The following SYNE2 variants were observed in gnomAD, a reference collection of about 807,000 sequenced individuals.
SYNE2 encodes the protein nesprin-2.
SYNE2 carries 431 observed loss-of-function variants against 856.3 expected under a neutral mutation model. The observed-to-expected ratio is 0.50, with a 90% CI of 0.47 to 0.55. SYNE2 has a LOEUF of 0.55. Among genes scored for constraint, SYNE2 ranks in the 20% least tolerant of loss-of-function variants. The probability of loss-of-function intolerance (pLI) is 0.00; values close to 1 mark genes in which losing one functional copy is unlikely to be tolerated. For synonymous variants in SYNE2, 2,923 were observed against 2,872.3 expected (o/e 1.02, Z -0.56); for missense variants, 8,129 against 8,023.2 (o/e 1.01, Z -0.50).
intron 73 of SYNE2, among the ~76,000 whole-genome samples, chr14:64,127,086 C>T (rs367731075): frequency 5.3e-5 from 8 of 152,080 alleles, no homozygotes; most frequent in Non-Finnish European, 8.8e-5. Context: ...CATGGTGAAA[C>T]CCCATCTCTA....
chr14:63,991,878 C>T (rs1019896004), intron 21 of SYNE2, among the ~76,000 whole-genome samples: 4 of 152,130 alleles, frequency 2.6e-5, no homozygotes, highest in African/African-American at 7.2e-5. Context: ...CCCATTCCTG[C>T]GCCTACTCTT....
intron 109 of SYNE2, 69 bp from the exon 110 acceptor site, chr14:64,219,139 C>A: frequency 2.6e-6 from 3 of 1,170,782 alleles, no homozygotes; most frequent in Non-Finnish European, 3.7e-6. Context: ...ACCCTGACCC[C>A]TAATTAGCTG....
chr14:63,811,075 T>C (rs1328224745), intron 1 of SYNE2, among the ~76,000 whole-genome samples: 1 of 152,164 alleles, frequency 6.6e-6, no homozygotes, highest in African/African-American at 2.4e-5. Flanking sequence ...GACCTCGTGA[T>C]CCGCCCACCT....
intron 85 of SYNE2, 95 bp from the exon 86 acceptor site, chr14:64,158,530 A>G: frequency 7.2e-7 from 1 of 1,391,562 alleles, no homozygotes; most frequent in Admixed American, 1.8e-5. Flanking sequence ...ATACTCTCAA[A>G]TTGAAATGCC....
At chr14:63,813,235 T>C (rs977917784) in intron 1 of SYNE2, among the ~76,000 whole-genome samples, 1 of 152,204 alleles carries the variant, frequency 6.6e-6, no homozygotes, top group African/African-American at 2.4e-5. Flanking sequence ...CTAAACTTAT[T>C]TTGGAAAGAA....
rs756480117 is a variant in SYNE2 at position 63,981,026 on chromosome 14, G to A, written c.1689G>A (p.Val563=). 4.4e-6 allele frequency: 7 copies of A among 1,573,380 alleles called. No homozygotes were observed. In the East Asian group the frequency reaches 1.3e-4, roughly 30 times the overall value. ...CQNINKQYMM[V]KSDVCMYRKN... ...ATATTAATAAACAGTATATGATGGTGAAATCTGATGTTTGTATGTATAGAA... is the reference window on the plus strand; with the variant it reads ...ATATTAATAAACAGTATATGATGGTAAAATCTGATGTTTGTATGTATAGAA... Residue 563 remains valine, a synonymous_variant, in exon 16 of 116, where the codon GTG becomes GTA. Coordinates refer to ENST00000555002, the MANE Select transcript of SYNE2 (RefSeq NM_182914.3).
At chr14:63,964,152 T>TGTG in intron 10 of SYNE2, 152 bp downstream of exon 10, 1 of 606,874 alleles carries the variant, frequency 1.6e-6, no homozygotes, top group Non-Finnish European at 2.9e-6. Flanking sequence ...TTCCGAAACT[T>TGTG]TAAGGTGCAT....
At chr14:63,814,496 CAT>C (rs1167037133) in intron 1 of SYNE2, among the ~76,000 whole-genome samples, 13 of 59,896 alleles carry the variant, frequency 2.2e-4, no homozygotes, top group South Asian at 6.4e-4. Flanking sequence ...TATATATATC[CAT>C]ATATATAATA....
intron 85 of SYNE2, among the ~76,000 whole-genome samples, chr14:64,154,416 A>T (rs1028163046): frequency 2.0e-5 from 3 of 152,196 alleles, no homozygotes; most frequent in Non-Finnish European, 2.9e-5. Flanking sequence ...TTTATAAATC[A>T]TATATTTGAT....
chr14:63,887,021 G>A (rs190352169), intron 1 of SYNE2, among the ~76,000 whole-genome samples: 3 of 152,122 alleles, frequency 2.0e-5, no homozygotes, highest in South Asian at 2.1e-4. Flanking sequence ...GGTGGCTCAT[G>A]CCTGTAATCC....
intron 51 of SYNE2, among the ~76,000 whole-genome samples, chr14:64,069,963 C>T (rs539717435): frequency 6.6e-5 from 10 of 152,194 alleles, no homozygotes; most frequent in Non-Finnish European, 1.5e-4. Flanking sequence ...GTACTGCAGC[C>T]GAGGGGTGGG....
intron 1 of SYNE2, among the ~76,000 whole-genome samples, chr14:63,799,572 C>T (rs1360456525): frequency 1.3e-5 from 2 of 151,880 alleles, no homozygotes; most frequent in Non-Finnish European, 2.9e-5. Flanking sequence ...GGCGTGGTGG[C>T]GGGCGCCTGT....
intron 1 of SYNE2, among the ~76,000 whole-genome samples, chr14:63,842,714 C>A (rs1382119574): frequency 6.6e-6 from 1 of 152,178 alleles, no homozygotes; most frequent in Non-Finnish European, 1.5e-5. Context: ...CCGGCCTCGG[C>A]CTCCCAAAGT....
At chr14:64,008,085 G>A (rs1011920715) in intron 31 of SYNE2, among the ~76,000 whole-genome samples, 1 of 152,176 alleles carries the variant, frequency 6.6e-6, no homozygotes, top group Non-Finnish European at 1.5e-5. Flanking sequence ...GAGGCCTCCT[G>A]CTACATTCCT....
At position 64,009,966 on chromosome 14, in the gene SYNE2, T is replaced by C. The variant is rs1480950321; in HGVS notation, c.4578T>C (p.Cys1526=). The change falls in exon 32 of 116, where the codon TGT becomes TGC. Residue 1526 remains cysteine, a splice_region_variant and synonymous_variant. Coordinates refer to ENST00000555002, the MANE Select transcript of SYNE2 (RefSeq NM_182914.3). ...WENTKALVTE[C]LEQCGRVLEL... Reference sequence around the variant, plus strand: ...CTATTGTATATTTTTCTATTCTTAGTCTTGAACAATGTGGGAGAGTTTTGG... The same window carrying C: ...CTATTGTATATTTTTCTATTCTTAGCCTTGAACAATGTGGGAGAGTTTTGG... 2.5e-6 allele frequency: 4 copies of C among 1,613,184 alleles called. No homozygotes were observed. The highest frequency in any genetic ancestry group is 2.7e-5 in the African/African-American group (2 of 74,878).
chr14:64,157,317 C>T (rs570114299), intron 85 of SYNE2, among the ~76,000 whole-genome samples: 13 of 152,214 alleles, frequency 8.5e-5, no homozygotes, highest in African/African-American at 2.2e-4. Context: ...CTATTCTGGA[C>T]GTTTTATATA....
chr14:63,903,829 C>A (rs1387778761), intron 1 of SYNE2, among the ~76,000 whole-genome samples: 1 of 134,402 alleles, frequency 7.4e-6, no homozygotes, highest in African/African-American at 2.7e-5. Context: ...TTTTTAATTT[C>A]AGAGACATTC....
rs1420924507 is a variant in SYNE2 at position 64,211,934 on chromosome 14, A to G, written c.18724-27A>G. Reference sequence around the variant, plus strand: ...GAACTCTTGTTCCGTGGTCAGTAGAAATGTGATTTCCTCCCCACTTTTGCA... The same window carrying G: ...GAACTCTTGTTCCGTGGTCAGTAGAGATGTGATTTCCTCCCCACTTTTGCA... On this transcript the variant is annotated intron_variant, in intron 103 of 115. Transcript: ENST00000555002. 1.9e-6 allele frequency: 3 copies of G among 1,613,934 alleles called. No homozygotes were observed. The Admixed American group carries it at 5.0e-5, about 27-fold the overall frequency.
intron 1 of SYNE2, among the ~76,000 whole-genome samples, chr14:63,892,757 CAG>C (rs1446512193): frequency 7.2e-5 from 10 of 138,556 alleles, no homozygotes. Flanking sequence ...GTTGTAGAGA[CAG>C]GGGTCTCACT....
Sources: allele counts gnomAD v4.1 joint callset (sites outside exome capture counted in the v4.1 genomes callset), GRCh38; gene constraint gnomAD v4.1.1; transcripts MANE v1.5; gene names NCBI Gene and HGNC (gene_info 2026-07-23, HGNC 2026-07-21).